Variants in DLG2 observed in about 807,000 individuals in gnomAD.
DLG2 encodes disks large homolog 2.
In DLG2, 45 loss-of-function variants were observed where a neutral mutation model predicts 132.5. That is an observed-to-expected ratio of 0.34 (90% CI 0.27 to 0.44). The LOEUF (loss-of-function observed/expected upper bound fraction) is 0.44, where lower values mean the gene tolerates loss of function less well. Ranked by LOEUF, DLG2 falls within the 20% of genes least tolerant of loss-of-function variation. The probability of loss-of-function intolerance (pLI) is 1.00; values close to 1 mark genes in which losing one functional copy is unlikely to be tolerated. For missense variants in DLG2, 1,045 were observed against 1,196.9 expected (o/e 0.87, Z 1.87); for synonymous variants, 424 against 419.6 (o/e 1.01, Z -0.13).
At chr11:84,748,044 G>T (rs1268635708) in intron 6 of DLG2, among the ~76,000 whole-genome samples, 2 of 152,160 alleles carry the variant, frequency 1.3e-5, no homozygotes, top group Admixed American at 6.5e-5. Flanking sequence ...TGATTTGTCT[G>T]CAACCAGTTT....
chr11:84,676,171 T>C (rs1285662481), intron 6 of DLG2, among the ~76,000 whole-genome samples: 7 of 152,116 alleles, frequency 4.6e-5, no homozygotes, highest in Non-Finnish European at 8.8e-5. Flanking sequence ...TAACAAATAA[T>C]ATATATATGA....
intron 4 of DLG2, among the ~76,000 whole-genome samples, chr11:85,170,746 C>T (rs565905409): frequency 3.3e-5 from 5 of 152,170 alleles, no homozygotes; most frequent in South Asian, 4.1e-4. Flanking sequence ...TAGGAAAATG[C>T]ATTGCAAGAA....
At chr11:83,556,262 A>G (rs2096515392) in intron 19 of DLG2, among the ~76,000 whole-genome samples, 1 of 152,224 alleles carries the variant, frequency 6.6e-6, no homozygotes, top group Non-Finnish European at 1.5e-5. Context: ...CCAGCGAAAC[A>G]TGCGTATGGA....
chr11:83,827,253 G>A (rs2053117695), intron 17 of DLG2, among the ~76,000 whole-genome samples: 1 of 152,094 alleles, frequency 6.6e-6, no homozygotes, highest in African/African-American at 2.4e-5. Flanking sequence ...GTTATTTGAG[G>A]TAACAATATA....
intron 6 of DLG2, among the ~76,000 whole-genome samples, chr11:84,828,234 T>C (rs567994441): frequency 1.6e-4 from 24 of 151,882 alleles, no homozygotes; most frequent in South Asian, 6.2e-4. Flanking sequence ...CTGGCTTTCA[T>C]TGGAGCTGCT....
At chr11:84,521,740 A>C (rs2099301885) in intron 7 of DLG2, among the ~76,000 whole-genome samples, 1 of 152,216 alleles carries the variant, frequency 6.6e-6, no homozygotes, top group Non-Finnish European at 1.5e-5. Flanking sequence ...TTTATAAGAG[A>C]AGTAAAACCT....
intron 3 of DLG2, among the ~76,000 whole-genome samples, chr11:85,393,086 C>A (rs1004926659): frequency 6.6e-6 from 1 of 151,884 alleles, no homozygotes; most frequent in Admixed American, 6.6e-5. Flanking sequence ...ATCCAACAAA[C>A]AACTAATATC....
chr11:85,619,318 T>C lies in DLG2; in HGVS notation c.-93+7269A>G, dbSNP rs528189373. On this transcript the variant is annotated intron_variant, in intron 2 of 27. Coordinates refer to ENST00000376104, the MANE Select transcript of DLG2 (RefSeq NM_001142699.3). The stretch of plus-strand genomic sequence containing the variant: ...TCAGCCTCCCAAGTAACTGGGACTA[T>C]AGGCACATGCCAACAAGCCCAGCTA... 3.9e-4 allele frequency among the ~76,000 whole-genome samples: 60 copies of C among 152,220 alleles called. No homozygotes were observed. The East Asian group carries it at 4.6e-3, about 12-fold the overall frequency.
rs564416535 is a variant in DLG2 at position 83,626,728 on chromosome 11, A to G, written c.1940+6483T>C. 2.6e-5 allele frequency among the ~76,000 whole-genome samples: 4 copies of G among 152,322 alleles called. No homozygotes were observed. In the East Asian group the frequency reaches 5.8e-4, roughly 22 times the overall value. On this transcript the variant is annotated intron_variant, in intron 19 of 27. Transcript: ENST00000376104. ...AGAAATCATGTGGTTAGGAAGACTG[A>G]TAACATATATGGAGACTTGGAATGG...
chr11:84,786,773 A>G (rs10501572), intron 6 of DLG2, among the ~76,000 whole-genome samples: 41,551 of 152,014 alleles, frequency 0.27, 6,257 homozygotes, highest in Middle Eastern at 0.32. Flanking sequence ...CCTCAAAAGA[A>G]CTACCATAGA....
At chr11:84,431,125 C>A (rs1348839536) in intron 7 of DLG2, among the ~76,000 whole-genome samples, 1 of 152,106 alleles carries the variant, frequency 6.6e-6, no homozygotes, top group East Asian at 1.9e-4. Context: ...ATTTATTTTT[C>A]ACAGGAAAAA....
chr11:84,573,480 A>G (rs576871107), intron 6 of DLG2, among the ~76,000 whole-genome samples: 1 of 152,288 alleles, frequency 6.6e-6, no homozygotes, highest in African/African-American at 2.4e-5. Flanking sequence ...AATAAATAGG[A>G]TACCAAAAAG....
chr11:84,890,004 G>A (rs908692231), intron 6 of DLG2, among the ~76,000 whole-genome samples: 2 of 152,194 alleles, frequency 1.3e-5, no homozygotes, highest in Non-Finnish European at 2.9e-5. Flanking sequence ...GAAATATATG[G>A]ATAGTCATAT....
intron 6 of DLG2, among the ~76,000 whole-genome samples, chr11:85,047,580 C>T (rs1037337053): frequency 6.6e-5 from 10 of 151,862 alleles, no homozygotes; most frequent in African/African-American, 2.4e-4. Flanking sequence ...ATTACATAAT[C>T]TCCCTGAGTA....
intron 7 of DLG2, among the ~76,000 whole-genome samples, chr11:84,450,870 A>G (rs1028967452): frequency 6.6e-6 from 1 of 150,692 alleles, no homozygotes; most frequent in African/African-American, 2.5e-5. Flanking sequence ...CTGGTGCATA[A>G]TAAGTGTTCC....
intron 6 of DLG2, among the ~76,000 whole-genome samples, chr11:84,646,441 T>C (rs2099675071): frequency 6.6e-6 from 1 of 152,070 alleles, no homozygotes; most frequent in Non-Finnish European, 1.5e-5. Flanking sequence ...TCTTGACAAC[T>C]TCCTTGGACT....
intron 6 of DLG2, among the ~76,000 whole-genome samples, chr11:84,682,697 A>C (rs2099734558): frequency 6.6e-6 from 1 of 152,196 alleles, no homozygotes; most frequent in Admixed American, 6.5e-5. Context: ...GAGGCCCCAA[A>C]GACTCAGCCC....
intron 3 of DLG2, among the ~76,000 whole-genome samples, chr11:85,421,338 C>A (rs1024538704): frequency 1.1e-4 from 16 of 152,034 alleles, no homozygotes; most frequent in African/African-American, 3.4e-4. Flanking sequence ...AGAAATCACA[C>A]CCCTCCTGCG....
chr11:83,479,926 C>T (rs1273112847), intron 22 of DLG2, among the ~76,000 whole-genome samples: 2 of 152,014 alleles, frequency 1.3e-5, no homozygotes, highest in East Asian at 1.9e-4. Flanking sequence ...TTTAAAGGAA[C>T]ACTTTATTTA....
Sources: gnomAD v4.1 joint callset for allele counts (sites outside exome capture counted in the v4.1 genomes callset) on GRCh38, gnomAD v4.1.1 for gene constraint, MANE v1.5 for transcripts, NCBI Gene and HGNC (gene_info 2026-07-23, HGNC 2026-07-21) for gene names.